The following GAS2 variants were observed in gnomAD, a reference collection of about 807,000 sequenced individuals.
GAS2 encodes the protein growth arrest specific 2.
In GAS2, 20 loss-of-function variants were observed where a neutral mutation model predicts 37.5. That is an observed-to-expected ratio of 0.53 (90% CI 0.37 to 0.77). The LOEUF (loss-of-function observed/expected upper bound fraction) is 0.77, where lower values mean the gene tolerates loss of function less well. GAS2 is among the 30% of genes least tolerant of loss of function. GAS2 has a pLI of 0.00. For synonymous variants in GAS2, 144 were observed against 132.2 expected (o/e 1.09, Z -0.61); for missense variants, 336 against 373.4 (o/e 0.90, Z 0.82).
intron 7 of GAS2, among the ~76,000 whole-genome samples, chr11:22,793,026 C>T (rs151139730): frequency 0.014 from 2,188 of 152,262 alleles, 52 homozygotes; most frequent in African/African-American, 0.05. Context: ...GTAATCCCAG[C>T]ACTTTGAGAG....
chr11:22,687,862 G>A (rs1052285294), intron 3 of GAS2, among the ~76,000 whole-genome samples: 5 of 152,192 alleles, frequency 3.3e-5, no homozygotes, highest in East Asian at 1.9e-4. Context: ...TTCACATTAC[G>A]AAGTTCCTGA....
intron 1 of GAS2, among the ~76,000 whole-genome samples, chr11:22,671,836 A>G (rs1849213725): frequency 6.6e-6 from 1 of 152,084 alleles, no homozygotes; most frequent in Non-Finnish European, 1.5e-5. Context: ...CCATGGGGTA[A>G]ATTCTCCATA....
chr11:22,634,150 G>A (rs1227444548), intron 1 of GAS2, among the ~76,000 whole-genome samples: 1 of 152,184 alleles, frequency 6.6e-6, no homozygotes, highest in African/African-American at 2.4e-5. Flanking sequence ...AGAGCAAAGG[G>A]ATGTCTTACA....
upstream of GAS2, among the ~76,000 whole-genome samples, chr11:22,664,618 A>G (rs1027398374): frequency 1.3e-5 from 2 of 152,162 alleles, no homozygotes; most frequent in African/African-American, 4.8e-5. Context: ...TAGAGAAGCT[A>G]TAGTTGCTTC....
chr11:22,708,464 C>T (rs1851234638), intron 3 of GAS2, among the ~76,000 whole-genome samples: 3 of 152,176 alleles, frequency 2.0e-5, no homozygotes, highest in South Asian at 4.1e-4. Context: ...CTCATAGCAA[C>T]GTCATGATGT....
chr11:22,771,252 ATG>A (rs1201403431), intron 7 of GAS2, among the ~76,000 whole-genome samples: 1 of 152,144 alleles, frequency 6.6e-6, no homozygotes, highest in African/African-American at 2.4e-5. Flanking sequence ...TGCTCCAGGA[ATG>A]TTGAGCTTAT....
At chr11:22,688,484 T>C (rs527703769) in intron 3 of GAS2, 4 of 152,310 alleles carry the variant, frequency 2.6e-5, no homozygotes, top group Non-Finnish European at 5.9e-5. Flanking sequence ...TGAGAGCTGC[T>C]ATGTGCAAAT....
intron 7 of GAS2, among the ~76,000 whole-genome samples, chr11:22,800,985 T>C (rs1471541719): frequency 6.6e-6 from 1 of 152,196 alleles, no homozygotes; most frequent in East Asian, 1.9e-4. Flanking sequence ...GGCCATTACT[T>C]TTTCATTTAG....
At chr11:22,788,369 T>C (rs1471864053) in intron 7 of GAS2, among the ~76,000 whole-genome samples, 1 of 152,180 alleles carries the variant, frequency 6.6e-6, no homozygotes, top group East Asian at 1.9e-4. Context: ...ACTCAGGCTC[T>C]TGATATTTTG....
chr11:22,744,589 A>C (rs1355090843), intron 5 of GAS2, among the ~76,000 whole-genome samples: 1 of 152,140 alleles, frequency 6.6e-6, no homozygotes, highest in Admixed American at 6.5e-5. Flanking sequence ...TTTGGATAAA[A>C]TGCAACATCC....
chr11:22,786,414 C>T (rs1415174821), intron 7 of GAS2, among the ~76,000 whole-genome samples: 1 of 152,084 alleles, frequency 6.6e-6, no homozygotes, highest in Non-Finnish European at 1.5e-5. Context: ...CCTCCTATGT[C>T]CATTAATCTA....
intron 7 of GAS2, among the ~76,000 whole-genome samples, chr11:22,785,627 C>T (rs1486101308): frequency 6.6e-6 from 1 of 152,138 alleles, no homozygotes; most frequent in African/African-American, 2.4e-5. Flanking sequence ...GTGGGGGACT[C>T]TTTGCTAAGC....
At position 22,755,964 on chromosome 11, in the gene GAS2, A is replaced by G. The variant is rs1228985439; in HGVS notation, c.723+11A>G. 6.4e-7 allele frequency: 1 copy of G among 1,553,090 alleles called. No individual in the cohort carries two copies. Reference sequence around the variant, plus strand: ...ATCCTCTTCATTAGGGTAAAGTTTTACTTTTCACTTATCTTGTTTTTATGG... The same window carrying G: ...ATCCTCTTCATTAGGGTAAAGTTTTGCTTTTCACTTATCTTGTTTTTATGG... On this transcript the variant is annotated intron_variant, in intron 7 of 7. Transcript: ENST00000454584.
rs1852525278 is a variant in GAS2, at chr11:22,732,487, G to T, written c.410-5218G>T. Among the ~76,000 whole-genome samples, 4 of 151,660 alleles carry T rather than the reference G, an allele frequency of 2.6e-5. No homozygotes were observed. In the South Asian group the frequency reaches 8.3e-4, roughly 31 times the overall value. On this transcript the variant is annotated intron_variant, in intron 4 of 7. Transcript: ENST00000454584. ...GGATACTCACACACATCATTATTGAGCTTGTGAGATTCTTCTTTGTTTGCT... is the reference window on the plus strand; with the variant it reads ...GGATACTCACACACATCATTATTGATCTTGTGAGATTCTTCTTTGTTTGCT...
chr11:22,757,163 C>T (rs570137109), intron 7 of GAS2, among the ~76,000 whole-genome samples: 15 of 152,032 alleles, frequency 9.9e-5, no homozygotes, highest in Non-Finnish European at 1.8e-4. Flanking sequence ...TTATATACTT[C>T]TCCCTGCAAT....
intron 7 of GAS2, among the ~76,000 whole-genome samples, chr11:22,781,863 C>G (rs1386736850): frequency 1.3e-5 from 2 of 152,090 alleles, no homozygotes; most frequent in Admixed American, 6.5e-5. Context: ...AGGCTAATTT[C>G]AGTGTTTTAG....
intron 5 of GAS2, among the ~76,000 whole-genome samples, chr11:22,745,407 A>G (rs1295887215): frequency 6.6e-6 from 1 of 152,172 alleles, no homozygotes; most frequent in Non-Finnish European, 1.5e-5. Flanking sequence ...ATGAGTATCC[A>G]TAAGCAGAAG....
At chr11:22,717,236 C>T (rs137882619) in intron 3 of GAS2, among the ~76,000 whole-genome samples, 95 of 152,072 alleles carry the variant, frequency 6.2e-4, no homozygotes, top group Middle Eastern at 6.8e-3. Context: ...TCACATTACC[C>T]GATTTCAAAT....
chr11:22,659,170 C>T (rs1208832420), intron 1 of GAS2, among the ~76,000 whole-genome samples: 1 of 152,098 alleles, frequency 6.6e-6, no homozygotes, highest in South Asian at 2.1e-4. Flanking sequence ...TTTCCAGAGG[C>T]GATTAATGTG....
Sources: gnomAD v4.1 joint callset for allele counts (sites outside exome capture counted in the v4.1 genomes callset) on GRCh38, gnomAD v4.1.1 for gene constraint, MANE v1.5 for transcripts, NCBI Gene and HGNC (gene_info 2026-07-23, HGNC 2026-07-21) for gene names.